Variants in DMD observed in about 807,000 individuals in gnomAD.
The protein encoded by DMD is mutant dystrophin.
Under a neutral mutation model 330.1 loss-of-function variants are expected in DMD, and 63 were observed. The observed-to-expected ratio is 0.19, with a 90% CI of 0.16 to 0.24. The LOEUF is 0.24. Ranked by LOEUF, DMD falls within the 10% of genes least tolerant of loss-of-function variation. DMD has a pLI of 1.00. For missense variants in DMD, 3,344 were observed against 2,684.1 expected (o/e 1.25, Z -5.43); for synonymous variants, 1,223 against 959.8 (o/e 1.27, Z -5.07).
At chrX:31,508,363 T>C in intron 55 of DMD, 2 of 818,984 alleles carry the variant, frequency 2.4e-6, no homozygotes, top group East Asian at 7.4e-5. Context: ...AGAATGAATT[T>C]TGGAGCACAG....
At position 32,408,959 on chromosome X, in the gene DMD, A is replaced by T. The variant is rs571127736; in HGVS notation, c.4233+2793T>A. ...ATCCATCTATCCACCCCATCTCTAT[A>T]TTTAAAATGTCATTTTGGTGGCATT... On this transcript the variant is annotated intron_variant, in intron 30 of 78. Transcript: ENST00000357033. 2.8e-4 allele frequency among the ~76,000 whole-genome samples: 30 copies of T among 109,060 alleles called. No homozygotes were observed. The South Asian group carries it at 9.3e-3, about 34-fold the overall frequency. The allele number at this position is 109,060 out of a possible 115,157, so 94.7% of individuals were successfully genotyped here.
intron 1 of DMD, among the ~76,000 whole-genome samples, chrX:33,302,398 T>C (rs527565728): frequency 1.8e-5 from 2 of 112,106 alleles, no homozygotes; most frequent in African/African-American, 6.5e-5. Flanking sequence ...CTGACTCTTC[T>C]ACTGTATTCA....
intron 62 of DMD, among the ~76,000 whole-genome samples, chrX:31,282,763 T>C (rs753947306): frequency 9.0e-6 from 1 of 111,362 alleles, no homozygotes; most frequent in African/African-American, 3.2e-5. Flanking sequence ...ACAAAGATCA[T>C]GCATGAGGAT....
intron 9 of DMD, among the ~76,000 whole-genome samples, chrX:32,673,362 T>C (rs890127010): frequency 9.0e-6 from 1 of 111,263 alleles, no homozygotes; most frequent in Non-Finnish European, 1.9e-5. Context: ...GAAACAAAAA[T>C]GTTGCCACCT....
intron 44 of DMD, among the ~76,000 whole-genome samples, chrX:32,184,104 C>T (rs1488682428): frequency 1.8e-5 from 2 of 110,199 alleles, no homozygotes; most frequent in Admixed American, 9.8e-5. Flanking sequence ...TATGTTTATG[C>T]CTGAAAAAAT....
At chrX:32,812,686 T>C (rs1354031641) in intron 6 of DMD, among the ~76,000 whole-genome samples, 1 of 112,390 alleles carries the variant, frequency 8.9e-6, no homozygotes, top group African/African-American at 3.2e-5. Context: ...TAATTGCTTC[T>C]ACTCTAGTTA....
At chrX:32,137,537 C>T (rs958913409) in intron 44 of DMD, among the ~76,000 whole-genome samples, 3 of 111,428 alleles carry the variant, frequency 2.7e-5, no homozygotes, top group South Asian at 3.8e-4. Flanking sequence ...CAGGGGATGG[C>T]CTTTCATTGA....
intron 1 of DMD, among the ~76,000 whole-genome samples, chrX:33,222,523 C>G (rs745908420): frequency 3.6e-5 from 4 of 112,414 alleles, no homozygotes; most frequent in Non-Finnish European, 7.5e-5. Flanking sequence ...TATTCACGTA[C>G]TGCTACAAGT....
chrX:32,018,949 G>A (rs1173962411), intron 44 of DMD, among the ~76,000 whole-genome samples: 1 of 111,679 alleles, frequency 9.0e-6, no homozygotes, highest in Non-Finnish European at 1.9e-5. Flanking sequence ...TTAACCCTTA[G>A]AGTGTCCGTT....
intron 1 of DMD, among the ~76,000 whole-genome samples, chrX:33,098,467 G>A (rs1430528697): frequency 2.7e-5 from 3 of 111,231 alleles, no homozygotes; most frequent in Admixed American, 9.7e-5. Context: ...AAAATTGTGA[G>A]GAGCTTAGCA....
chrX:31,330,013 A>ATGTTG (rs2057026555), intron 61 of DMD, among the ~76,000 whole-genome samples: 1 of 103,014 alleles, frequency 9.7e-6, no homozygotes, highest in Non-Finnish European at 2.0e-5. Context: ...GGTCCATCTC[A>ATGTTG]TGTTGTGTTC....
intron 42 of DMD, among the ~76,000 whole-genome samples, chrX:32,292,625 TTG>T (rs1458117359): frequency 9.0e-6 from 1 of 111,591 alleles, no homozygotes; most frequent in African/African-American, 3.3e-5. Flanking sequence ...TTTTAATCAT[TTG>T]TAAGTTGGAG....
intron 13 of DMD, among the ~76,000 whole-genome samples, chrX:32,594,508 G>A (rs1250851907): frequency 9.0e-6 from 1 of 111,074 alleles, no homozygotes; most frequent in East Asian, 2.8e-4. Context: ...TTTTCTTTTA[G>A]GGGATCCAAA....
intron 61 of DMD, among the ~76,000 whole-genome samples, chrX:31,336,624 T>G (rs901516121): frequency 8.9e-6 from 1 of 112,509 alleles, no homozygotes; most frequent in African/African-American, 3.2e-5. Flanking sequence ...GAGATGGCAT[T>G]ACCCTTAGAT....
At chrX:32,947,334 T>G (rs1173433338) in intron 2 of DMD, among the ~76,000 whole-genome samples, 1 of 112,286 alleles carries the variant, frequency 8.9e-6, no homozygotes, top group Non-Finnish European at 1.9e-5. Flanking sequence ...AAAGTGAAGT[T>G]GTATTAATTC....
At chrX:32,464,490 GGA>G in intron 24 of DMD, 94 bp downstream of exon 24, 2 of 664,350 alleles carry the variant, frequency 3.0e-6, no homozygotes, top group South Asian at 4.6e-5. Context: ...ACTGGGGAGA[GGA>G]GAGCAAAATC....
chrX:32,753,372 C>T lies in DMD; in HGVS notation c.650-54079G>A, dbSNP rs753813584. Reference sequence around the variant, plus strand: ...ATTCAGGCCTAACAGAACACTTTGCCCATAGGAGGTGCTTAATGAACATTT... The same window carrying T: ...ATTCAGGCCTAACAGAACACTTTGCTCATAGGAGGTGCTTAATGAACATTT... On this transcript the variant is annotated intron_variant, in intron 7 of 78. Transcript: ENST00000357033. Among the ~76,000 whole-genome samples the T allele has an allele frequency of 9.8e-5, 11 of 112,047 alleles. No individual in the cohort carries two copies. In the South Asian group the frequency reaches 1.5e-3, roughly 15 times the overall value.
intron 44 of DMD, among the ~76,000 whole-genome samples, chrX:32,162,602 T>C (rs1377626566): frequency 1.0e-5 from 1 of 98,078 alleles, no homozygotes; most frequent in East Asian, 3.1e-4. Context: ...TTTTTTTTTT[T>C]TTTTTTTTTT....
intron 41 of DMD, among the ~76,000 whole-genome samples, chrX:32,335,677 A>T (rs1010936791): frequency 1.9e-5 from 2 of 106,649 alleles, no homozygotes; most frequent in Non-Finnish European, 3.8e-5. Context: ...CATAATATGT[A>T]TATATAACAT....
Sources: allele counts gnomAD v4.1 joint callset (sites outside exome capture counted in the v4.1 genomes callset), GRCh38; gene constraint gnomAD v4.1.1; transcripts MANE v1.5; gene names NCBI Gene and HGNC (gene_info 2026-07-23, HGNC 2026-07-21).